The following SMOC2 variants were observed in gnomAD, a reference collection of about 807,000 sequenced individuals.
SMOC2 encodes the protein SPARC related modular calcium binding 2, also known as SPARC-related modular calcium-binding protein 2.
In SMOC2, 39 loss-of-function variants were observed where a neutral mutation model predicts 61.4. That is an observed-to-expected ratio of 0.64 (90% CI 0.49 to 0.83). The LOEUF (loss-of-function observed/expected upper bound fraction) is 0.83. Among genes scored for constraint, SMOC2 ranks in the 40% least tolerant of loss-of-function variants. The probability of loss-of-function intolerance (pLI) is 0.00; values close to 1 mark genes in which losing one functional copy is unlikely to be tolerated. For synonymous variants in SMOC2, 247 were observed against 239.9 expected (o/e 1.03, Z -0.27); for missense variants, 556 against 592.9 (o/e 0.94, Z 0.65).
chr6:168,600,775 A>G (rs1785532595), intron 8 of SMOC2, among the ~76,000 whole-genome samples: 1 of 152,224 alleles, frequency 6.6e-6, no homozygotes, highest in African/African-American at 2.4e-5. Context: ...TCGCTTTTAG[A>G]AAAAGTGAGG....
chr6:168,533,820 A>G (rs1296561132), intron 4 of SMOC2, among the ~76,000 whole-genome samples: 1 of 152,268 alleles, frequency 6.6e-6, no homozygotes, highest in Non-Finnish European at 1.5e-5. Context: ...GTAAAAACAA[A>G]CAACCTTAAG....
At chr6:168,599,195 A>G (rs1468300569) in intron 8 of SMOC2, among the ~76,000 whole-genome samples, 191 bp downstream of exon 8, 1 of 131,072 alleles carries the variant, frequency 7.6e-6, no homozygotes, top group Non-Finnish European at 1.6e-5. Flanking sequence ...ACACACTCAT[A>G]CCACACACAC....
At chr6:168,571,833 G>A (rs1583121051) in intron 7 of SMOC2, among the ~76,000 whole-genome samples, 1 of 144,020 alleles carries the variant, frequency 6.9e-6, no homozygotes, top group Admixed American at 6.9e-5. Context: ...TGGGACCAGG[G>A]CTGCGTGCTC....
intron 1 of SMOC2, among the ~76,000 whole-genome samples, chr6:168,487,321 A>G (rs1782359286): frequency 6.6e-6 from 1 of 152,136 alleles, no homozygotes; most frequent in African/African-American, 2.4e-5. Context: ...GAATTAGTCA[A>G]CTTGATTGAC....
At chr6:168,532,814 C>G (rs1166252301) in intron 4 of SMOC2, among the ~76,000 whole-genome samples, 2 of 152,186 alleles carry the variant, frequency 1.3e-5, no homozygotes, top group Non-Finnish European at 2.9e-5. Context: ...GACCCCCAGC[C>G]TATCCCTGCC....
rs113116458 is a variant in SMOC2 at position 168,535,181 on chromosome 6, T to A, written c.463+7454T>A. Among the ~76,000 whole-genome samples, 994 of 152,140 alleles carry A rather than the reference T, an allele frequency of 6.5e-3. 6 individuals are homozygous for A. Among genetic ancestry groups the A allele is most frequent in the South Asian group, 0.028 (134 of 4,802 alleles). On this transcript the variant is annotated intron_variant, in intron 4 of 12. Coordinates refer to ENST00000356284, the MANE Select transcript of SMOC2 (RefSeq NM_001166412.2). This position sits in a 1 kb window ranked among gnomAD's most constrained non-coding sequence, Gnocchi z 4.6. ...GAAACGGGGTTTCACCGTGTTAGCC[T>A]GGATGGTCTCAATCTCCTGACCTTG...
At chr6:168,515,513 A>AGGGGGCTGCCTTTG (rs1783108963) in intron 2 of SMOC2, among the ~76,000 whole-genome samples, 1 of 149,140 alleles carries the variant, frequency 6.7e-6, no homozygotes, top group Middle Eastern at 3.2e-3. Flanking sequence ...TGCCTTTGAA[A>AGGGGGCTGCCTTTG]AGGGGCTCCT....
intron 4 of SMOC2, among the ~76,000 whole-genome samples, chr6:168,531,904 CG>C (rs1296236782): frequency 1.3e-5 from 2 of 152,008 alleles, no homozygotes; most frequent in Non-Finnish European, 2.9e-5. Context: ...GGCTGGAAGT[CG>C]GGCGTAGGAG....
intron 4 of SMOC2, among the ~76,000 whole-genome samples, chr6:168,539,729 C>G (rs1306235335): frequency 6.6e-6 from 1 of 152,242 alleles, no homozygotes; most frequent in Non-Finnish European, 1.5e-5. Flanking sequence ...GGGCTGTGTG[C>G]TGCTCTCTGC....
At position 168,547,142 on chromosome 6, in the gene SMOC2, G is replaced by A. The variant is rs775673804; in HGVS notation, c.535G>A (p.Glu179Lys). Residue 179 changes from glutamate to lysine, a missense_variant, in exon 6 of 13, where the codon GAG (glutamate) becomes AAG (lysine). By Grantham distance (56) the Glu-to-Lys change is moderately conservative. Coordinates refer to ENST00000356284, the MANE Select transcript of SMOC2 (RefSeq NM_001166412.2). ...AGATGATGCCGCAGCTCCAGCGTTG[G>A]AGACTCAGCCTCAAGGAGATGAAGA... The part of the protein sequence containing the change: ...KTDDAAAPAL[E>K]TQPQGDEEDI... 1.9e-6 allele frequency: 3 copies of A among 1,613,930 alleles called. No homozygotes were observed. Among genetic ancestry groups the A allele is most frequent in the Non-Finnish European group, 2.5e-6 (3 of 1,180,024 alleles).
intron 1 of SMOC2, 138 bp downstream of exon 1, chr6:168,441,592 C>T (rs1781209579): frequency 1.6e-6 from 2 of 1,223,838 alleles, no homozygotes; most frequent in Non-Finnish European, 1.1e-6. Context: ...GTGGAGCCTT[C>T]GCCTGCCGGC....
intron 2 of SMOC2, among the ~76,000 whole-genome samples, chr6:168,514,302 C>T (rs1783079429): frequency 6.6e-6 from 1 of 152,048 alleles, no homozygotes; most frequent in Non-Finnish European, 1.5e-5. Flanking sequence ...TGAGTGTCTC[C>T]TTCCACTGCC....
intron 1 of SMOC2, among the ~76,000 whole-genome samples, chr6:168,456,893 G>A (rs910627605): frequency 3.1e-4 from 47 of 152,218 alleles, no homozygotes; most frequent in African/African-American, 1.1e-3. Context: ...CGAGGTGAAT[G>A]AGTTCAGTCT....
At chr6:168,627,444 T>A (rs1347460698) in intron 9 of SMOC2, among the ~76,000 whole-genome samples, 1 of 152,192 alleles carries the variant, frequency 6.6e-6, no homozygotes, top group Non-Finnish European at 1.5e-5. Flanking sequence ...GATTTCCCTC[T>A]TTTTCTTGTC....
intron 9 of SMOC2, among the ~76,000 whole-genome samples, chr6:168,610,185 A>T (rs1446659112): frequency 6.6e-6 from 1 of 152,204 alleles, no homozygotes; most frequent in Admixed American, 6.5e-5. Flanking sequence ...GTCAGAAACC[A>T]TGCTCCTCTC....
intron 2 of SMOC2, among the ~76,000 whole-genome samples, chr6:168,520,710 C>T (rs564192452): frequency 6.6e-6 from 1 of 152,354 alleles, no homozygotes; most frequent in East Asian, 1.9e-4. Flanking sequence ...TCTTGAGACA[C>T]CATCTCTGGT....
Position 168,441,369 on chromosome 6 carries a change from C to A in SMOC2, c.-2C>A. The A allele has an allele frequency of 1.3e-6, 2 of 1,504,308 alleles. No individual in the cohort carries two copies. Among genetic ancestry groups the A allele is most frequent in the Non-Finnish European group, 1.8e-6 (2 of 1,132,512 alleles). The allele number at this position is 1,504,308 out of a possible 1,614,324, so 93.2% of individuals were successfully genotyped here. A position where few individuals can be genotyped will look rare whatever the true frequency, so the allele number is the denominator to read the frequency against. Reference sequence around the variant, plus strand: ...TCTCCCGCTCCCGCCACCTCCGCCACCATGCTGCTCCCCCAGCTCTGCTGG... The same window carrying A: ...TCTCCCGCTCCCGCCACCTCCGCCAACATGCTGCTCCCCCAGCTCTGCTGG... On this transcript the variant is annotated 5_prime_UTR_variant, in exon 1 of 13. Coordinates refer to ENST00000356284, the MANE Select transcript of SMOC2 (RefSeq NM_001166412.2).
chr6:168,643,264 T>C (rs957769097), intron 9 of SMOC2, among the ~76,000 whole-genome samples: 12 of 152,166 alleles, frequency 7.9e-5, no homozygotes, highest in South Asian at 6.2e-4. Flanking sequence ...GAAACAAGAT[T>C]GTGTCACTTC....
At chr6:168,630,738 G>C (rs529102006) in intron 9 of SMOC2, among the ~76,000 whole-genome samples, 1 of 152,210 alleles carries the variant, frequency 6.6e-6, no homozygotes, top group Non-Finnish European at 1.5e-5. Context: ...GAACATCCCT[G>C]AGAAAGAGAA....
Sources: gnomAD v4.1 joint callset for allele counts (sites outside exome capture counted in the v4.1 genomes callset) on GRCh38, gnomAD v4.1.1 for gene constraint, Gnocchi (gnomAD v3.1) non-coding constraint, MANE v1.5 for transcripts, NCBI Gene and HGNC (gene_info 2026-07-23, HGNC 2026-07-21) for gene names.